The following DRC5 variants were observed in gnomAD, a reference collection of about 807,000 sequenced individuals.
The protein encoded by DRC5 is T-complex-associated testis-expressed protein 1.
the DRC5 span, chr6:44,297,583 C>G: frequency 6.6e-6 from 1 of 152,212 alleles, no homozygotes; most frequent in Non-Finnish European, 1.5e-5. Flanking sequence ...GAGGGGCTCC[C>G]GGGCCCAGCC....
chr6:44,282,172 G>A, the DRC5 span: 13 of 1,614,228 alleles, frequency 8.1e-6, no homozygotes, highest in Non-Finnish European at 1.1e-5. Context: ...GCGAGCACCT[G>A]TGACAGGAGT....
the DRC5 span, among the ~76,000 whole-genome samples, chr6:44,280,572 A>G: frequency 6.6e-6 from 1 of 152,254 alleles, no homozygotes; most frequent in African/African-American, 2.4e-5. Context: ...GCCAATACCC[A>G]CTAAATTGAC....
the DRC5 span, among the ~76,000 whole-genome samples, chr6:44,288,625 C>A: frequency 6.6e-6 from 1 of 152,204 alleles, no homozygotes; most frequent in Non-Finnish European, 1.5e-5. Context: ...CTCTGGCCAA[C>A]AGAAATATAA....
chr6:44,290,078 C>A, the DRC5 span, among the ~76,000 whole-genome samples: 2 of 152,144 alleles, frequency 1.3e-5, no homozygotes, highest in African/African-American at 4.8e-5. Flanking sequence ...ATTGTGACAT[C>A]CCCTATGCAA....
chr6:44,285,841 A>C, the DRC5 span: 2 of 972,274 alleles, frequency 2.1e-6, no homozygotes, highest in East Asian at 5.0e-5. Flanking sequence ...TGCATTAAAA[A>C]ACACTTGGCC....
At chr6:44,286,366 G>A in the DRC5 span, 38 of 1,613,846 alleles carry the variant, frequency 2.4e-5, no homozygotes, top group African/African-American at 2.5e-4. Flanking sequence ...TCCAGCTGCC[G>A]CCATGGTGGG....
the DRC5 span, chr6:44,280,388 G>A: frequency 1.9e-5 from 31 of 1,610,794 alleles, no homozygotes; most frequent in Admixed American, 5.0e-5. Context: ...GCTTCCCACC[G>A]TCCTGGGAGA....
the DRC5 span, chr6:44,280,432 C>T: frequency 1.4e-6 from 2 of 1,480,102 alleles, no homozygotes; most frequent in Admixed American, 3.5e-5. Flanking sequence ...TACATCACTA[C>T]CCAGGATCTG....
Sources: allele counts gnomAD v4.1 joint callset (sites outside exome capture counted in the v4.1 genomes callset), GRCh38; gene constraint gnomAD v4.1.1; transcripts MANE v1.5; gene names NCBI Gene and HGNC (gene_info 2026-07-23, HGNC 2026-07-21).